The following DPP10 variants were observed in gnomAD, a reference collection of about 807,000 sequenced individuals.
The protein encoded by DPP10 is dipeptidyl peptidase like 10.
In DPP10, 33 loss-of-function variants were observed where a neutral mutation model predicts 120.9. The ratio of observed to expected loss-of-function variants is 0.27; its 90% CI spans 0.21 to 0.37. DPP10 has a LOEUF of 0.37. DPP10 is among the 10% of genes least tolerant of loss of function. DPP10 has a pLI of 1.00. For synonymous variants in DPP10, 337 were observed against 326.1 expected, an observed-to-expected ratio of 1.03 and a Z score of -0.36; for missense variants, 816 against 942.8, an observed-to-expected ratio of 0.87 and a Z score of 1.76.
At chr2:114,586,887 C>T (rs369075433) in intron 1 of DPP10, among the ~76,000 whole-genome samples, 3 of 152,224 alleles carry the variant, frequency 2.0e-5, no homozygotes, top group Admixed American at 2.0e-4. Flanking sequence ...TACTGGCTCC[C>T]CTTTGCCTTC....
At chr2:115,051,389 A>G (rs919975688) in intron 1 of DPP10, among the ~76,000 whole-genome samples, 3 of 152,032 alleles carry the variant, frequency 2.0e-5, no homozygotes, top group African/African-American at 7.2e-5. Context: ...AAAAAAAACT[A>G]TCAACCAAGA....
intron 1 of DPP10, among the ~76,000 whole-genome samples, chr2:115,102,129 G>C (rs554208831): frequency 6.6e-6 from 1 of 152,340 alleles, no homozygotes; most frequent in East Asian, 1.9e-4. Flanking sequence ...CCAAGATCAA[G>C]ATATTGGTTC....
At chr2:115,456,171 AAAG>A (rs1316754530) in intron 3 of DPP10, among the ~76,000 whole-genome samples, 2 of 152,198 alleles carry the variant, frequency 1.3e-5, no homozygotes, top group Admixed American at 6.5e-5. Context: ...ACTCTTCTCA[AAAG>A]AAGATCATTA....
chr2:114,910,690 C>T (rs964346523), intron 1 of DPP10, among the ~76,000 whole-genome samples: 1 of 151,830 alleles, frequency 6.6e-6, no homozygotes, highest in Admixed American at 6.6e-5. Context: ...TTGAAAATTC[C>T]CAAAAGTTTT....
intron 1 of DPP10, chr2:115,161,618 T>G: frequency 4.9e-6 from 1 of 202,602 alleles, no homozygotes; most frequent in Non-Finnish European, 9.8e-6. Context: ...GCACGAGGCG[T>G]CGCCGCAGCT....
intron 1 of DPP10, among the ~76,000 whole-genome samples, chr2:115,028,325 C>A (rs1703613045): frequency 6.6e-6 from 1 of 151,964 alleles, no homozygotes; most frequent in Admixed American, 6.6e-5. Context: ...TTTATAATAT[C>A]CTTTTTAATT....
At chr2:114,877,829 A>G (rs1325017391) in intron 1 of DPP10, among the ~76,000 whole-genome samples, 1 of 151,990 alleles carries the variant, frequency 6.6e-6, no homozygotes, top group East Asian at 1.9e-4. Context: ...TCTTCTGCAC[A>G]CCATATGATG....
chr2:114,624,837 C>T (rs901005139), intron 1 of DPP10, among the ~76,000 whole-genome samples: 1 of 151,852 alleles, frequency 6.6e-6, no homozygotes, highest in Non-Finnish European at 1.5e-5. Flanking sequence ...TAAAGCACAT[C>T]ATCCATCTTC....
intron 3 of DPP10, among the ~76,000 whole-genome samples, chr2:115,347,366 A>G (rs975590580): frequency 5.3e-5 from 8 of 152,172 alleles, no homozygotes; most frequent in African/African-American, 1.9e-4. Context: ...CTTATGATCT[A>G]TTATCTGAAA....
chr2:114,952,784 A>G lies in DPP10; in HGVS notation c.61-356455A>G, dbSNP rs1697896109. ...AAATTTGGCCAGTGTAGGTCTAGGTACACAGTAGTTGATGAGCAAACAGTT... is the reference window on the plus strand; with the variant it reads ...AAATTTGGCCAGTGTAGGTCTAGGTGCACAGTAGTTGATGAGCAAACAGTT... On this transcript the variant is annotated intron_variant, in intron 1 of 25. Transcript: ENST00000410059. Among the ~76,000 whole-genome samples the G allele has an allele frequency of 2.7e-5, 4 of 148,214 alleles. No homozygotes were observed. The South Asian group carries it at 8.7e-4, about 32-fold the overall frequency.
intron 1 of DPP10, among the ~76,000 whole-genome samples, chr2:114,496,680 A>G (rs1303262929): frequency 2.6e-5 from 4 of 152,042 alleles, no homozygotes; most frequent in African/African-American, 4.8e-5. Flanking sequence ...TAAACTCTGG[A>G]TTTTGGAGAG....
At chr2:115,345,375 CA>C (rs768158346) in intron 3 of DPP10, among the ~76,000 whole-genome samples, 1 of 152,172 alleles carries the variant, frequency 6.6e-6, no homozygotes, top group East Asian at 1.9e-4. Context: ...TATATTATCA[CA>C]AAAAATTGTC....
intron 2 of DPP10, among the ~76,000 whole-genome samples, chr2:115,313,664 G>A (rs1048486987): frequency 6.6e-6 from 1 of 152,106 alleles, no homozygotes; most frequent in African/African-American, 2.4e-5. Context: ...CTGTAATTTC[G>A]GTTTGATTGC....
intron 1 of DPP10, among the ~76,000 whole-genome samples, chr2:114,595,297 G>A (rs954311493): frequency 2.0e-5 from 3 of 151,980 alleles, no homozygotes; most frequent in Non-Finnish European, 4.4e-5. Flanking sequence ...TGCATAAGGA[G>A]CTTTCTGAGG....
At chr2:114,536,452 C>G (rs909981972) in intron 1 of DPP10, among the ~76,000 whole-genome samples, 1 of 144,364 alleles carries the variant, frequency 6.9e-6, no homozygotes, top group African/African-American at 2.6e-5. Context: ...GTCACCCCGG[C>G]TGGAGTGCAG....
At chr2:115,307,127 A>G (rs2061389000) in intron 1 of DPP10, among the ~76,000 whole-genome samples, 1 of 152,130 alleles carries the variant, frequency 6.6e-6, no homozygotes, top group Admixed American at 6.6e-5. Flanking sequence ...AAATTTGTGA[A>G]GATGACACTA....
chr2:114,612,277 A>G (rs1042976622), intron 1 of DPP10, among the ~76,000 whole-genome samples: 1 of 152,046 alleles, frequency 6.6e-6, no homozygotes, highest in African/African-American at 2.4e-5. Context: ...ACATTCCTGC[A>G]TCCCTTTTTA....
intron 1 of DPP10, among the ~76,000 whole-genome samples, chr2:115,275,822 C>T (rs12466862): frequency 0.67 from 101,694 of 151,224 alleles, 34,538 homozygotes; most frequent in Admixed American, 0.74. Flanking sequence ...GCCTCAGCCT[C>T]CCGAGTAGCT....
At position 115,353,344 on chromosome 2, in the gene DPP10, C is replaced by T. The variant is rs1272740875; in HGVS notation, c.271+9432C>T. Among the ~76,000 whole-genome samples the T allele has an allele frequency of 5.3e-5, 8 of 152,106 alleles. No homozygotes were observed. The East Asian group carries it at 1.5e-3, about 29-fold the overall frequency. On this transcript the variant is annotated intron_variant, in intron 3 of 25. Transcript: ENST00000410059. ...AAGGAAAATGCTGTGTATGTGTGTT[C>T]GGGGCCTCTCTATGTATAAAAGTAA...
Sources: gnomAD v4.1 joint callset for allele counts (sites outside exome capture counted in the v4.1 genomes callset) on GRCh38, gnomAD v4.1.1 for gene constraint, MANE v1.5 for transcripts, NCBI Gene and HGNC (gene_info 2026-07-23, HGNC 2026-07-21) for gene names.